ROBO1: variants seen among roughly 807,000 people sequenced by gnomAD.
ROBO1 encodes the protein roundabout homolog 1.
A neutral mutation model predicts 195.9 loss-of-function variants in ROBO1; 149 were observed. That is an observed-to-expected ratio of 0.76 (90% CI 0.67 to 0.87). ROBO1 has a LOEUF of 0.87. Among genes scored for constraint, ROBO1 ranks in the 40% least tolerant of loss-of-function variants. ROBO1 has a pLI of 0.00. For missense variants in ROBO1, 1,933 were observed against 2,068.3 expected (o/e 0.93, Z 1.27); for synonymous variants, 816 against 733.2 (o/e 1.11, Z -1.82).
intron 2 of ROBO1, among the ~76,000 whole-genome samples, chr3:79,125,784 A>C (rs2080205070): frequency 6.6e-6 from 1 of 152,096 alleles, no homozygotes; most frequent in African/African-American, 2.4e-5. Flanking sequence ...CCCTGCCTGC[A>C]CCTTTGCTAC....
intron 2 of ROBO1, among the ~76,000 whole-genome samples, chr3:79,472,709 C>A (rs917887859): frequency 1.3e-5 from 2 of 152,118 alleles, no homozygotes; most frequent in African/African-American, 4.8e-5. Flanking sequence ...CAGATAGAGT[C>A]CTTGCTTGGT....
chr3:78,601,316 G>A (rs1197339731), intron 29 of ROBO1, among the ~76,000 whole-genome samples: 1 of 152,074 alleles, frequency 6.6e-6, no homozygotes, highest in African/African-American at 2.4e-5. Flanking sequence ...CTCTATCCTT[G>A]CACAAAAACA....
At chr3:78,599,508 A>T (rs1029280761) in intron 30 of ROBO1, among the ~76,000 whole-genome samples, 2 of 152,196 alleles carry the variant, frequency 1.3e-5, no homozygotes, top group Admixed American at 6.5e-5. Flanking sequence ...TATATTTATT[A>T]AAAAATTTTC....
chr3:79,742,458 T>C (rs1392892863), intron 1 of ROBO1, among the ~76,000 whole-genome samples: 3 of 152,078 alleles, frequency 2.0e-5, no homozygotes, highest in Admixed American at 6.5e-5. Flanking sequence ...GGTTTCCCTG[T>C]GGTGTTAAAC....
At chr3:79,607,095 G>GCA (rs35692271) in intron 1 of ROBO1, among the ~76,000 whole-genome samples, 26,200 of 139,814 alleles carry the variant, frequency 0.19, 2,452 homozygotes, top group Non-Finnish European at 0.22. Context: ...ATTAAAACCT[G>GCA]CACACACACA....
intron 1 of ROBO1, among the ~76,000 whole-genome samples, chr3:79,697,873 G>T (rs1180293697): frequency 6.6e-6 from 1 of 151,234 alleles, no homozygotes; most frequent in African/African-American, 2.4e-5. Flanking sequence ...GGCCACCATT[G>T]TGAAAAAAGT....
intron 2 of ROBO1, among the ~76,000 whole-genome samples, chr3:79,353,400 AACACACAC>A (rs10608740): frequency 7.4e-5 from 11 of 148,224 alleles, no homozygotes; most frequent in East Asian, 4.0e-4. Context: ...CACAGAAACA[AACACACAC>A]ACACACACAC....
At chr3:79,333,810 T>C (rs986224034) in intron 2 of ROBO1, among the ~76,000 whole-genome samples, 3 of 152,192 alleles carry the variant, frequency 2.0e-5, no homozygotes, top group Admixed American at 6.6e-5. Context: ...TGGTCAAGTT[T>C]CTCTTTCTCT....
At chr3:78,832,184 GA>G (rs1470884979) in intron 4 of ROBO1, among the ~76,000 whole-genome samples, 2 of 152,144 alleles carry the variant, frequency 1.3e-5, no homozygotes, top group African/African-American at 2.4e-5. Context: ...CTATTCATTT[GA>G]AAGAGATTCA....
intron 5 of ROBO1, among the ~76,000 whole-genome samples, chr3:78,726,717 CAAT>C (rs757405415): frequency 5.9e-5 from 9 of 152,106 alleles, no homozygotes; most frequent in Non-Finnish European, 1.0e-4. Flanking sequence ...TTCTTAACAA[CAAT>C]GAGATGCAGG....
intron 14 of ROBO1, among the ~76,000 whole-genome samples, chr3:78,663,599 A>G (rs1177997511): frequency 6.6e-6 from 1 of 152,154 alleles, no homozygotes; most frequent in Non-Finnish European, 1.5e-5. Context: ...ACCACGTAAC[A>G]TTGGAACAAT....
At chr3:78,614,861 G>T (rs3732661) in intron 27 of ROBO1, 61 bp from the exon 28 acceptor site, 315,660 of 1,430,222 alleles carry the variant, frequency 0.22, 36,338 homozygotes, top group East Asian at 0.38. Flanking sequence ...ATTACAACAG[G>T]AACAACAAAA....
chr3:79,064,103 TA>T (rs972823285), intron 3 of ROBO1, among the ~76,000 whole-genome samples: 2 of 152,042 alleles, frequency 1.3e-5, no homozygotes, highest in African/African-American at 4.8e-5. Context: ...TGAATCATCA[TA>T]AAAAAATTAC....
rs181780322 is a variant in ROBO1, at chr3:79,457,551, C to A, written c.88+132273G>T. Among the ~76,000 whole-genome samples, 392 of 152,110 alleles carry A rather than the reference C, an allele frequency of 2.6e-3. 2 individuals carry two copies. The highest frequency in any genetic ancestry group is 8.1e-3 in the African/African-American group (337 of 41,500). On this transcript the variant is annotated intron_variant, in intron 2 of 30. Coordinates refer to ENST00000464233, the MANE Select transcript of ROBO1 (RefSeq NM_002941.4). ...AGGGTAATATGGTTTGACTGTGTCC[C>A]CACCCAAATCTCATCTTGAGCTCCC... is the stretch of plus-strand genomic sequence containing the variant.
chr3:78,859,093 C>T (rs1340043584), intron 4 of ROBO1, among the ~76,000 whole-genome samples: 1 of 152,098 alleles, frequency 6.6e-6, no homozygotes, highest in Non-Finnish European at 1.5e-5. Context: ...AGCAGGGAGA[C>T]TGGAAAGAGA....
At chr3:78,657,034 A>G (rs1407535151) in intron 18 of ROBO1, 64 bp downstream of exon 18, 2 of 1,468,640 alleles carry the variant, frequency 1.4e-6, no homozygotes, top group African/African-American at 2.8e-5. Context: ...CCACATGCAA[A>G]AAAGCAAAGT....
At chr3:79,135,640 CTT>C (rs200088816) in intron 2 of ROBO1, among the ~76,000 whole-genome samples, 12 of 143,594 alleles carry the variant, frequency 8.4e-5, no homozygotes, top group Admixed American at 7.0e-5. Context: ...ATTCAATCTT[CTT>C]TTTTTTTTTT....
intron 5 of ROBO1, among the ~76,000 whole-genome samples, chr3:78,743,687 G>A (rs962387698): frequency 1.3e-5 from 2 of 152,104 alleles, no homozygotes; most frequent in Non-Finnish European, 2.9e-5. Flanking sequence ...CGACAGGTGT[G>A]GGGTAGAAAG....
intron 2 of ROBO1, among the ~76,000 whole-genome samples, chr3:79,538,633 A>G: frequency 6.6e-6 from 1 of 151,974 alleles, no homozygotes; most frequent in East Asian, 1.9e-4. Flanking sequence ...GGTATTACTA[A>G]ATGTTTATTT....
Sources: allele counts gnomAD v4.1 joint callset (sites outside exome capture counted in the v4.1 genomes callset), GRCh38; gene constraint gnomAD v4.1.1; transcripts MANE v1.5; gene names NCBI Gene and HGNC (gene_info 2026-07-23, HGNC 2026-07-21).